RNF150: variants seen among roughly 807,000 people sequenced by gnomAD.
The protein encoded by RNF150 is ring finger protein 150.
RNF150 carries 24 observed loss-of-function variants against 39.3 expected under a neutral mutation model. That is an observed-to-expected ratio of 0.61 (90% CI 0.44 to 0.86). RNF150 has a LOEUF of 0.86. RNF150 is among the 40% of genes least tolerant of loss of function. The probability of loss-of-function intolerance (pLI) is 0.00; values close to 1 mark genes in which losing one functional copy is unlikely to be tolerated. For missense variants in RNF150, 502 were observed against 587.8 expected (o/e 0.85, Z 1.51); for synonymous variants, 255 against 227.3 (o/e 1.12, Z -1.10).
chr4:141,106,517 G>A (rs115265464), intron 1 of RNF150, among the ~76,000 whole-genome samples: 2 of 152,128 alleles, frequency 1.3e-5, no homozygotes, highest in African/African-American at 2.4e-5. Context: ...TTCCGGCCAG[G>A]CATGGTGGCT....
intron 1 of RNF150, among the ~76,000 whole-genome samples, chr4:141,209,015 T>A (rs1560779129): frequency 6.6e-6 from 1 of 152,162 alleles, no homozygotes; most frequent in South Asian, 2.1e-4. Flanking sequence ...CTGGTTTTTT[T>A]CAGCAAATGG....
intron 1 of RNF150, among the ~76,000 whole-genome samples, chr4:141,207,381 T>C (rs1194738318): frequency 1.3e-5 from 2 of 151,834 alleles, no homozygotes; most frequent in Non-Finnish European, 2.9e-5. Context: ...ATCAGAGGGA[T>C]GAGAAATGTG....
At chr4:141,163,981 G>T (rs1346562737) in intron 1 of RNF150, among the ~76,000 whole-genome samples, 1 of 152,102 alleles carries the variant, frequency 6.6e-6, no homozygotes, top group Non-Finnish European at 1.5e-5. Flanking sequence ...GTAGGCTTCA[G>T]AAGGTGGGTA....
chr4:141,073,183 G>A (rs1737769782), intron 1 of RNF150, among the ~76,000 whole-genome samples: 1 of 152,056 alleles, frequency 6.6e-6, no homozygotes, highest in Non-Finnish European at 1.5e-5. Context: ...AAATAGGCTT[G>A]GATGAAGGGG....
At chr4:140,959,962 A>G (rs1732950955) in intron 2 of RNF150, among the ~76,000 whole-genome samples, 1 of 152,138 alleles carries the variant, frequency 6.6e-6, no homozygotes, top group Non-Finnish European at 1.5e-5. Flanking sequence ...TTTTAGTGTC[A>G]TCTGTATTCT....
chr4:140,903,877 T>C (rs1449167560), intron 6 of RNF150, among the ~76,000 whole-genome samples: 1 of 152,194 alleles, frequency 6.6e-6, no homozygotes, highest in African/African-American at 2.4e-5. Context: ...AATTGATTGA[T>C]TCTCTCACAG....
At chr4:140,908,244 TA>T in intron 6 of RNF150, among the ~76,000 whole-genome samples, 1 of 152,258 alleles carries the variant, frequency 6.6e-6, no homozygotes, top group South Asian at 2.1e-4. Flanking sequence ...ACTAGGCAAT[TA>T]AAAAAATCTG....
At chr4:141,174,320 C>A (rs2572237) in intron 1 of RNF150, among the ~76,000 whole-genome samples, 147,933 of 152,206 alleles carry the variant, frequency 0.97, 72,040 homozygotes, top group East Asian at 1. Context: ...AGATGACACC[C>A]TCATCAACCA....
intron 5 of RNF150, among the ~76,000 whole-genome samples, chr4:140,918,235 A>G (rs1730931128): frequency 6.6e-6 from 1 of 152,244 alleles, no homozygotes; most frequent in Non-Finnish European, 1.5e-5. Flanking sequence ...ACCCTTCAAA[A>G]AATTAATGAA....
intron 6 of RNF150, among the ~76,000 whole-genome samples, chr4:140,871,577 A>T (rs146076938): frequency 6.6e-6 from 1 of 152,194 alleles, no homozygotes; most frequent in Non-Finnish European, 1.5e-5. Context: ...GCTCACAATT[A>T]AACTGGAAGT....
chr4:141,207,471 G>C (rs1384987595), intron 1 of RNF150, among the ~76,000 whole-genome samples: 1 of 152,126 alleles, frequency 6.6e-6, no homozygotes, highest in African/African-American at 2.4e-5. Context: ...AGCAGGAGAA[G>C]AAATGTGGAC....
intron 1 of RNF150, among the ~76,000 whole-genome samples, chr4:141,145,988 A>C (rs902050257): frequency 2.6e-5 from 4 of 152,072 alleles, no homozygotes; most frequent in Admixed American, 2.6e-4. Flanking sequence ...ACTGCCTTCC[A>C]CCTACTGTTC....
At chr4:141,102,156 A>G (rs1261964793) in intron 1 of RNF150, among the ~76,000 whole-genome samples, 1 of 152,192 alleles carries the variant, frequency 6.6e-6, no homozygotes, top group Admixed American at 6.5e-5. Flanking sequence ...TATGTGGCAT[A>G]TGACCGTATT....
intron 4 of RNF150, among the ~76,000 whole-genome samples, chr4:140,926,981 AC>A (rs1469234536): frequency 6.6e-6 from 1 of 151,914 alleles, no homozygotes; most frequent in African/African-American, 2.4e-5. Context: ...CCTGCCTCTC[AC>A]CCCTCTGCAA....
At chr4:140,868,762 G>T (rs1728818028) in intron 6 of RNF150, among the ~76,000 whole-genome samples, 1 of 151,892 alleles carries the variant, frequency 6.6e-6, no homozygotes, top group Admixed American at 6.6e-5. Flanking sequence ...TCAAACTCAG[G>T]AATTTGCAAA....
intron 1 of RNF150, among the ~76,000 whole-genome samples, chr4:141,095,229 A>C (rs1738727246): frequency 6.6e-6 from 1 of 152,184 alleles, no homozygotes; most frequent in Non-Finnish European, 1.5e-5. Flanking sequence ...CTCAGTCTGG[A>C]ATAGCTGGGG....
At chr4:141,110,274 T>A (rs1189213654) in intron 1 of RNF150, among the ~76,000 whole-genome samples, 1 of 152,308 alleles carries the variant, frequency 6.6e-6, no homozygotes, top group African/African-American at 2.4e-5. Flanking sequence ...CCGAGAGGAA[T>A]CTGGGAACAG....
At chr4:141,009,702 A>G (rs1735003272) in intron 1 of RNF150, among the ~76,000 whole-genome samples, 1 of 152,186 alleles carries the variant, frequency 6.6e-6, no homozygotes, top group Non-Finnish European at 1.5e-5. Context: ...TTTTTCCCAG[A>G]TAAAGGGGAT....
At chr4:141,159,112 T>C (rs1281357090) in intron 1 of RNF150, among the ~76,000 whole-genome samples, 1 of 152,230 alleles carries the variant, frequency 6.6e-6, no homozygotes, top group Non-Finnish European at 1.5e-5. Flanking sequence ...GTTCAACAGC[T>C]GGTATTATTT....
Sources: allele counts gnomAD v4.1 joint callset (sites outside exome capture counted in the v4.1 genomes callset), GRCh38; gene constraint gnomAD v4.1.1; transcripts MANE v1.5; gene names NCBI Gene and HGNC (gene_info 2026-07-23, HGNC 2026-07-21).